Variants in KIAA1328 observed in about 807,000 individuals in gnomAD.
KIAA1328 encodes protein hinderin.
Under a neutral mutation model 68.1 loss-of-function variants are expected in KIAA1328, and 52 were observed. The observed-to-expected ratio is 0.76, with a 90% CI of 0.61 to 0.96. The LOEUF is 0.96. Ranked by LOEUF, KIAA1328 falls within the 40% of genes least tolerant of loss-of-function variation. KIAA1328 has a pLI of 0.00. For missense variants in KIAA1328, 641 were observed against 677.6 expected (o/e 0.95, Z 0.60); for synonymous variants, 232 against 239.4 (o/e 0.97, Z 0.28).
chr18:37,181,021 A>G (rs1239881349), intron 9 of KIAA1328, among the ~76,000 whole-genome samples: 2 of 152,190 alleles, frequency 1.3e-5, no homozygotes, highest in South Asian at 2.1e-4. Flanking sequence ...GCTTCAAAAT[A>G]TCAGATAGAA....
chr18:37,222,382 C>T lies in KIAA1328; in HGVS notation c.*155C>T. 2 of 1,446,126 alleles carry T rather than the reference C, an allele frequency of 1.4e-6. No homozygotes were observed. Among genetic ancestry groups the T allele is most frequent in the East Asian group, 2.5e-5 (1 of 40,016 alleles). The allele number at this position is 1,446,126 out of a possible 1,614,324, so 89.6% of individuals were successfully genotyped here. Reference sequence around the variant, plus strand: ...GTATTGAATATAGAAATCATTCTAACAACCCAGGTTATTTTCAATCAGACC... The same window carrying T: ...GTATTGAATATAGAAATCATTCTAATAACCCAGGTTATTTTCAATCAGACC... On this transcript the variant is annotated 3_prime_UTR_variant, in exon 10 of 10. Transcript: ENST00000280020.
intron 4 of KIAA1328, among the ~76,000 whole-genome samples, chr18:36,862,570 G>A (rs2047600461): frequency 6.6e-6 from 1 of 152,116 alleles, no homozygotes; most frequent in African/African-American, 2.4e-5. Flanking sequence ...GGTATTCCAT[G>A]ATAGAGATGT....
intron 6 of KIAA1328, among the ~76,000 whole-genome samples, chr18:37,008,287 G>A (rs953267265): frequency 6.6e-5 from 10 of 152,172 alleles, no homozygotes; most frequent in African/African-American, 9.7e-5. Context: ...CATGCACAAA[G>A]CAGACCCAAA....
intron 4 of KIAA1328, among the ~76,000 whole-genome samples, chr18:36,857,755 A>G (rs1408970492): frequency 2.6e-5 from 4 of 152,206 alleles, no homozygotes; most frequent in African/African-American, 7.2e-5. Context: ...CTACTCTGCT[A>G]TGTTTTGTAA....
intron 7 of KIAA1328, among the ~76,000 whole-genome samples, chr18:37,090,910 G>A (rs908795519): frequency 2.0e-5 from 3 of 152,160 alleles, no homozygotes; most frequent in Admixed American, 6.5e-5. Flanking sequence ...TGGCAATGAG[G>A]AGAACATCGG....
rs537708765 is a variant in KIAA1328, at chr18:36,973,587, A to C, written c.576+14152A>C. Among the ~76,000 whole-genome samples the C allele has an allele frequency of 4.6e-3, 698 of 152,252 alleles. 6 individuals are homozygous for C. Among genetic ancestry groups the C allele is most frequent in the South Asian group, 0.03 (147 of 4,828 alleles). ...AATGTGAGAGAAGGCATCGTTCTCT[A>C]TACACTCCATTTAAAATTGTGCGTA... is the stretch of plus-strand genomic sequence containing the variant. On this transcript the variant is annotated intron_variant, in intron 6 of 9. Coordinates refer to ENST00000280020, the MANE Select transcript of KIAA1328 (RefSeq NM_020776.3).
chr18:36,979,012 A>G (rs1264255653), intron 6 of KIAA1328, among the ~76,000 whole-genome samples: 1 of 152,094 alleles, frequency 6.6e-6, no homozygotes, highest in Non-Finnish European at 1.5e-5. Flanking sequence ...TTTGAAAAAT[A>G]GCTGGGCATG....
At chr18:36,885,730 T>G (rs745661430) in intron 5 of KIAA1328, 58 bp downstream of exon 5, 16 of 1,178,276 alleles carry the variant, frequency 1.4e-5, no homozygotes, top group Non-Finnish European at 1.9e-5. Flanking sequence ...TTTCTTTTTT[T>G]TTTTGAGACG....
intron 9 of KIAA1328, among the ~76,000 whole-genome samples, chr18:37,187,062 G>T (rs2059816721): frequency 6.6e-6 from 1 of 152,180 alleles, no homozygotes; most frequent in African/African-American, 2.4e-5. Context: ...TACTCAGGAG[G>T]CTGAGGCAGG....
At chr18:36,992,874 C>A (rs2053244107) in intron 6 of KIAA1328, among the ~76,000 whole-genome samples, 1 of 152,164 alleles carries the variant, frequency 6.6e-6, no homozygotes, top group Middle Eastern at 3.4e-3. Context: ...GAGGCCAAGG[C>A]GAGTGGATCG....
chr18:37,030,070 A>G lies in KIAA1328; in HGVS notation c.577-36820A>G, dbSNP rs572435639. 5.9e-5 allele frequency among the ~76,000 whole-genome samples: 9 copies of G among 151,650 alleles called. No homozygotes were observed. The East Asian group carries it at 1.7e-3, about 29-fold the overall frequency. On this transcript the variant is annotated intron_variant, in intron 6 of 9. Transcript: ENST00000280020. Reference sequence around the variant, plus strand: ...TCTATTTGCCACTTTTTCATTTTTGATTTTTATTATGCACATCTATTTTCT... The same window carrying G: ...TCTATTTGCCACTTTTTCATTTTTGGTTTTTATTATGCACATCTATTTTCT...
chr18:36,925,329 C>G (rs767653571), intron 5 of KIAA1328, among the ~76,000 whole-genome samples: 5 of 152,000 alleles, frequency 3.3e-5, no homozygotes, highest in Non-Finnish European at 5.9e-5. Context: ...AGATATGAGC[C>G]AAGAAAGAAG....
Position 37,073,926 on chromosome 18 carries a change from A to G in KIAA1328, c.1232+6381A>G, listed in dbSNP as rs1454666434. On this transcript the variant is annotated intron_variant, in intron 7 of 9. Coordinates refer to ENST00000280020, the MANE Select transcript of KIAA1328 (RefSeq NM_020776.3). Reference sequence around the variant, plus strand: ...TGAGATTATCTTCATTTGTGGCATGATGAGTGATTTTTATTGCATTCTGGA... The same window carrying G: ...TGAGATTATCTTCATTTGTGGCATGGTGAGTGATTTTTATTGCATTCTGGA... Among the ~76,000 whole-genome samples the G allele has an allele frequency of 3.3e-5, 5 of 152,190 alleles. No homozygotes were observed. In the East Asian group the frequency reaches 7.7e-4, roughly 24 times the overall value.
At chr18:37,177,667 G>A (rs1239350448) in intron 9 of KIAA1328, among the ~76,000 whole-genome samples, 1 of 151,996 alleles carries the variant, frequency 6.6e-6, no homozygotes, top group African/African-American at 2.4e-5. Context: ...AGCGTTAAAG[G>A]TTTTTGTTTT....
At chr18:37,012,651 G>A (rs762940494) in intron 6 of KIAA1328, among the ~76,000 whole-genome samples, 16 of 152,120 alleles carry the variant, frequency 1.1e-4, no homozygotes, top group Non-Finnish European at 2.9e-5. Flanking sequence ...ACAAATTATG[G>A]TATCTTACAC....
chr18:36,856,706 A>G (rs1451848132), intron 4 of KIAA1328, among the ~76,000 whole-genome samples: 1 of 152,058 alleles, frequency 6.6e-6, no homozygotes, highest in Non-Finnish European at 1.5e-5. Context: ...TTGTTCTCCT[A>G]TTAATGGGTC....
chr18:37,125,541 G>C (rs1474092132), intron 7 of KIAA1328, among the ~76,000 whole-genome samples: 9 of 152,060 alleles, frequency 5.9e-5, no homozygotes, highest in Non-Finnish European at 1.3e-4. Context: ...AATAATAATA[G>C]AGAAATCAAT....
intron 8 of KIAA1328, among the ~76,000 whole-genome samples, chr18:37,164,116 C>T (rs2059337713): frequency 6.6e-6 from 1 of 152,086 alleles, no homozygotes; most frequent in African/African-American, 2.4e-5. Context: ...ATATAGTTTA[C>T]TTTTTTATTA....
At chr18:36,887,075 A>T (rs948254288) in intron 5 of KIAA1328, among the ~76,000 whole-genome samples, 1 of 150,396 alleles carries the variant, frequency 6.6e-6, no homozygotes, top group African/African-American at 2.4e-5. Context: ...AATTTTTTCT[A>T]CATCTCTAGC....
Sources: gnomAD v4.1 joint callset for allele counts (sites outside exome capture counted in the v4.1 genomes callset) on GRCh38, gnomAD v4.1.1 for gene constraint, MANE v1.5 for transcripts, NCBI Gene and HGNC (gene_info 2026-07-23, HGNC 2026-07-21) for gene names.